AFG3L2: variants seen among roughly 807,000 people sequenced by gnomAD.
AFG3L2 encodes mitochondrial inner membrane m-AAA protease component AFG3L2.
In AFG3L2, 54 loss-of-function variants were observed where a neutral mutation model predicts 94.5. The observed-to-expected ratio is 0.57, with a 90% CI of 0.46 to 0.72. AFG3L2 has a LOEUF of 0.72. Ranked by LOEUF, AFG3L2 falls within the 30% of genes least tolerant of loss-of-function variation. The pLI, the probability that AFG3L2 is intolerant of heterozygous loss-of-function variation, is 0.00. For missense variants in AFG3L2, 754 were observed against 994.9 expected (o/e 0.76, Z 3.26); for synonymous variants, 377 against 365.5 (o/e 1.03, Z -0.36).
chr18:12,356,557 A>T, intron 9 of AFG3L2, 137 bp downstream of exon 9: 1 of 1,253,416 alleles, frequency 8.0e-7, no homozygotes, highest in Non-Finnish European at 1.2e-6. Flanking sequence ...TTAGGCCTGG[A>T]GGAGAGCTCA....
At chr18:12,338,150 C>T (rs1048472181) in intron 15 of AFG3L2, among the ~76,000 whole-genome samples, 1 of 152,146 alleles carries the variant, frequency 6.6e-6, no homozygotes, top group African/African-American at 2.4e-5. Context: ...TAGCTCACTG[C>T]AGCTTTGACC....
intron 12 of AFG3L2, 105 bp from the exon 13 acceptor site, chr18:12,348,488 C>A: frequency 1.2e-6 from 1 of 845,496 alleles, no homozygotes; most frequent in Non-Finnish European, 2.0e-6. Flanking sequence ...ATCAGCAGTA[C>A]AATGAATAAA....
chr18:12,349,998 A>T (rs1163735849), intron 12 of AFG3L2, among the ~76,000 whole-genome samples: 1 of 149,840 alleles, frequency 6.7e-6, no homozygotes, highest in Non-Finnish European at 1.5e-5. Flanking sequence ...CAGAATAAAA[A>T]AACCTAGAGA....
Position 12,337,473 on chromosome 18 carries a change from C to CAATACCATGTCCAATA in AFG3L2, c.2042_2043insTATTGGACATGGTATT (p.Asp682IlefsTer15). 1 of 1,614,214 alleles carries CAATACCATGTCCAATA rather than the reference C, an allele frequency of 6.2e-7. No homozygotes were observed. The highest frequency in any genetic ancestry group is 8.5e-7 in the Non-Finnish European group (1 of 1,180,036). On this transcript the variant is annotated frameshift_variant, in exon 16 of 17. Coordinates refer to ENST00000269143, the MANE Select transcript of AFG3L2 (RefSeq NM_006796.3). LOFTEE classifies it high-confidence loss of function. ...TGTAAGGTTTCTCCAATACCATGTC[C>CAATACCATGTCCAATA]CCCTGACGTGGGAGGTCAAAGGAGA...
chr18:12,344,464 G>T, intron 13 of AFG3L2: 2 of 520,620 alleles, frequency 3.8e-6, no homozygotes, highest in East Asian at 3.8e-5. Flanking sequence ...CACTTGAGGT[G>T]AGGAGTTCGA....
intron 13 of AFG3L2, 26 bp from the exon 14 acceptor site, chr18:12,344,273 C>CA (rs755123459): frequency 8.9e-6 from 14 of 1,579,270 alleles, no homozygotes; most frequent in East Asian, 2.2e-5. Flanking sequence ...CAAAAAAACC[C>CA]AAGCCATTGT....
Position 12,377,199 on chromosome 18 carries a change from C to T in AFG3L2, c.-117G>A, listed in dbSNP as rs911513291. 1.9e-5 allele frequency: 15 copies of T among 780,780 alleles called. No homozygotes were observed. The highest frequency in any genetic ancestry group is 3.8e-4 in the Middle Eastern group (1 of 2,606). The allele number at this position is 780,780 out of a possible 1,614,324, so 48.4% of individuals were successfully genotyped here. Reference sequence around the variant, plus strand: ...AAGGCCGCCAGGCAGCGAAGCGCGCCGGCGGCTCACGGAGGAGCCCAAGCT... The same window carrying T: ...AAGGCCGCCAGGCAGCGAAGCGCGCTGGCGGCTCACGGAGGAGCCCAAGCT... On this transcript the variant is annotated 5_prime_UTR_variant, in exon 1 of 17. Transcript: ENST00000269143.
chr18:12,329,917 G>C, intron 16 of AFG3L2, 134 bp from the exon 17 acceptor site: 1 of 787,456 alleles, frequency 1.3e-6, no homozygotes. Context: ...CATACATAAG[G>C]TTGCATAGTT....
chr18:12,360,636 C>T (rs1908631222), intron 6 of AFG3L2, among the ~76,000 whole-genome samples: 1 of 152,212 alleles, frequency 6.6e-6, no homozygotes, highest in Non-Finnish European at 1.5e-5. Context: ...TCTTTATTCT[C>T]TAGAGCTGCA....
At chr18:12,375,060 A>AC (rs1909103331) in intron 1 of AFG3L2, among the ~76,000 whole-genome samples, 1 of 150,650 alleles carries the variant, frequency 6.6e-6, no homozygotes, top group Non-Finnish European at 1.5e-5. Flanking sequence ...TGTCTCAAAA[A>AC]AAAAAAAAAA....
chr18:12,344,109 C>A lies in AFG3L2; in HGVS notation c.1779+23G>T, dbSNP rs138460154. The A allele has an allele frequency of 1.6e-5, 26 of 1,597,830 alleles. No homozygotes were observed. The African/African-American group carries it at 3.3e-4, about 21-fold the overall frequency. ...ATCTGCTCACCCATGCACTGGCTGC[C>A]TAGTGCAGCTACCCTGCTTCACCTT... On this transcript the variant is annotated intron_variant, in intron 14 of 16. Transcript: ENST00000269143.
At position 12,363,769 on chromosome 18, in the gene AFG3L2, T is replaced by C. The variant is rs776891094; in HGVS notation, c.627+13A>G. 3 of 1,604,510 alleles carry C rather than the reference T, an allele frequency of 1.9e-6. No individual in the cohort carries two copies. The highest frequency in any genetic ancestry group is 2.2e-5 in the South Asian group (2 of 90,670). On this transcript the variant is annotated intron_variant, in intron 6 of 16. Coordinates refer to ENST00000269143, the MANE Select transcript of AFG3L2 (RefSeq NM_006796.3). ...TTTACAACTAATTCACATCAATTAATAAAATGATTTACCCCATCAACAGGA... is the reference window on the plus strand; with the variant it reads ...TTTACAACTAATTCACATCAATTAACAAAATGATTTACCCCATCAACAGGA...
At chr18:12,338,168 C>T (rs1446602995) in intron 15 of AFG3L2, among the ~76,000 whole-genome samples, 1 of 152,156 alleles carries the variant, frequency 6.6e-6, no homozygotes, top group Non-Finnish European at 1.5e-5. Context: ...ACCTTCTGGG[C>T]TCAAATTATC....
chr18:12,364,069 T>C (rs1242881801), intron 5 of AFG3L2, among the ~76,000 whole-genome samples: 1 of 152,226 alleles, frequency 6.6e-6, no homozygotes, highest in African/African-American at 2.4e-5. Flanking sequence ...AGGGGCTGCA[T>C]TGCCCAAACC....
intron 5 of AFG3L2, 105 bp from the exon 6 acceptor site, chr18:12,363,961 G>A (rs1908735414): frequency 3.3e-6 from 3 of 899,396 alleles, no homozygotes; most frequent in Non-Finnish European, 1.8e-6. Flanking sequence ...CACAAGGAAA[G>A]AATAAAGAAT....
Position 12,353,147 on chromosome 18 carries a change from T to A in AFG3L2, c.1176A>T (p.Leu392Phe). 1 of 1,613,998 alleles carries A rather than the reference T, an allele frequency of 6.2e-7. No individual in the cohort carries two copies. Among genetic ancestry groups the A allele is most frequent in the South Asian group, 1.1e-5 (1 of 91,082 alleles). ...VGVGPARVRD[L>F]FALARKNAPC... Reference sequence around the variant, plus strand: ...GGGCATTCTTCCGAGCAAGGGCAAATAAGTCTCGGACCTTGGCAAAAACAG... The same window carrying A: ...GGGCATTCTTCCGAGCAAGGGCAAAAAAGTCTCGGACCTTGGCAAAAACAG... The change falls in exon 10 of 17, where the codon TTA becomes TTT. Residue 392 changes from leucine to phenylalanine, a missense_variant. This residue lies in a region of AFG3L2 where 109 missense variants were observed against 227.1 expected (regional missense o/e 0.48). Coordinates refer to ENST00000269143, the MANE Select transcript of AFG3L2 (RefSeq NM_006796.3).
chr18:12,348,117 G>T (rs1189552942), intron 13 of AFG3L2, among the ~76,000 whole-genome samples, 156 bp downstream of exon 13: 1 of 152,116 alleles, frequency 6.6e-6, no homozygotes, highest in African/African-American at 2.4e-5. Flanking sequence ...GAGAGGCATG[G>T]GAGGGGCCAT....
intron 10 of AFG3L2, 59 bp downstream of exon 10, chr18:12,352,946 T>C (rs1336513557): frequency 5.7e-5 from 91 of 1,599,034 alleles, no homozygotes; most frequent in Non-Finnish European, 7.6e-5. Context: ...AGAGTCAGAC[T>C]CCATCTCAAA....
intron 14 of AFG3L2, 46 bp downstream of exon 14, chr18:12,344,086 C>G (rs771385439): frequency 5.3e-6 from 8 of 1,505,816 alleles, no homozygotes; most frequent in Non-Finnish European, 7.4e-6. Flanking sequence ...CAGCGAGCAT[C>G]TGCTCACCCA....
Sources: allele counts gnomAD v4.1 joint callset (sites outside exome capture counted in the v4.1 genomes callset), GRCh38; gene constraint gnomAD v4.1.1; regional missense constraint gnomAD v4.1.1; transcripts MANE v1.5; gene names NCBI Gene and HGNC (gene_info 2026-07-23, HGNC 2026-07-21).